LARS1: variants seen among roughly 807,000 people sequenced by gnomAD.
The protein encoded by LARS1 is leucyl-tRNA synthetase 1.
Under a neutral mutation model 162.8 loss-of-function variants are expected in LARS1, and 100 were observed. That is an observed-to-expected ratio of 0.61 (90% CI 0.52 to 0.73). LARS1 has a LOEUF of 0.73. Among genes scored for constraint, LARS1 ranks in the 30% least tolerant of loss-of-function variants. The pLI is 0.00. For missense variants in LARS1, 1,258 were observed against 1,408.9 expected (o/e 0.89, Z 1.71); for synonymous variants, 457 against 462.8 (o/e 0.99, Z 0.16).
At chr5:146,172,869 A>T (rs1302877349) in intron 2 of LARS1, 95 bp from the exon 3 acceptor site, 7 of 500,146 alleles carry the variant, frequency 1.4e-5, no homozygotes, top group Non-Finnish European at 2.4e-5. Flanking sequence ...GCTTGATATA[A>T]ATAACTTAAG....
chr5:146,137,732 G>A, intron 21 of LARS1: 1 of 265,342 alleles, frequency 3.8e-6, no homozygotes. Context: ...GGCCTGCTGG[G>A]AGCAGGACTT....
At chr5:146,177,865 C>T (rs1210644050) in intron 1 of LARS1, among the ~76,000 whole-genome samples, 200 bp from the exon 2 acceptor site, 2 of 151,960 alleles carry the variant, frequency 1.3e-5, no homozygotes, top group East Asian at 1.9e-4. Context: ...TTTGGGAGGC[C>T]GAGGCGGGTG....
chr5:146,153,296 TC>T (rs1753374771), intron 12 of LARS1, 69 bp from the exon 13 acceptor site: 1 of 1,098,734 alleles, frequency 9.1e-7, no homozygotes, highest in African/African-American at 1.6e-5. Context: ...AGAGAAGCAA[TC>T]TCCAAAGTTT....
At chr5:146,131,219 T>G in intron 23 of LARS1, 110 bp from the exon 24 acceptor site, 2 of 531,540 alleles carry the variant, frequency 3.8e-6, no homozygotes, top group Non-Finnish European at 6.6e-6. Context: ...TATACAAATT[T>G]GAAATACTGC....
chr5:146,138,910 G>C (rs531777946), intron 21 of LARS1: 1 of 310,538 alleles, frequency 3.2e-6, no homozygotes, highest in East Asian at 8.8e-5. Flanking sequence ...TCAGGCCCAC[G>C]GGAACAGTAG....
chr5:146,177,023 T>G (rs1482002397), intron 2 of LARS1, among the ~76,000 whole-genome samples: 3 of 151,898 alleles, frequency 2.0e-5, no homozygotes, highest in Admixed American at 6.6e-5. Flanking sequence ...GAAAAAAAAA[T>G]CTTTACAAAC....
Position 146,157,443 on chromosome 5 carries a change from T to C in LARS1, c.1025A>G (p.Asp342Gly), listed in dbSNP as rs1013524463. 4.3e-6 allele frequency: 7 copies of C among 1,614,080 alleles called. No individual in the cohort carries two copies. In the Admixed American group the frequency reaches 1.0e-4, roughly 23 times the overall value. ...CTTAACAACAGGCACCACGCCATTG[T>C]CTTTGGTAAAGCCCTGGTATGACAT... ...RNMSYQGFTK[D>G]NGVVPVVKEL... Residue 342 changes from aspartate to glycine, a missense_variant, in exon 10 of 32, where the codon GAC (aspartate) becomes GGC (glycine). Transcript: ENST00000394434.
intron 3 of LARS1, 62 bp from the exon 4 acceptor site, chr5:146,172,052 A>C: frequency 7.2e-7 from 1 of 1,382,152 alleles, no homozygotes. Context: ...CAAAATGTGA[A>C]CTTTTCACAC....
chr5:146,152,413 C>T (rs1198217753), intron 13 of LARS1, among the ~76,000 whole-genome samples: 3 of 152,136 alleles, frequency 2.0e-5, no homozygotes, highest in Admixed American at 6.5e-5. Context: ...GAGGAACGGG[C>T]GAGCATCACC....
Position 146,120,359 on chromosome 5 carries a change from G to A in LARS1, c.3325+12C>T. Reference sequence around the variant, plus strand: ...AGCTACTGACAAATGGGAGTTTTGGGGAACAACTTACCTTTAATTCCTCGA... The same window carrying A: ...AGCTACTGACAAATGGGAGTTTTGGAGAACAACTTACCTTTAATTCCTCGA... On this transcript the variant is annotated intron_variant, in intron 31 of 31. Transcript: ENST00000394434. The A allele has an allele frequency of 1.2e-6, 2 of 1,612,396 alleles. No individual in the cohort carries two copies. The highest frequency in any genetic ancestry group is 1.7e-6 in the Non-Finnish European group (2 of 1,178,840).
intron 31 of LARS1, among the ~76,000 whole-genome samples, chr5:146,117,388 T>C (rs981166879): frequency 6.6e-6 from 1 of 152,158 alleles, no homozygotes; most frequent in African/African-American, 2.4e-5. Flanking sequence ...GACAGGCAGA[T>C]CACTTGAGGC....
chr5:146,170,670 G>A (rs1754225007), intron 4 of LARS1, among the ~76,000 whole-genome samples: 1 of 152,052 alleles, frequency 6.6e-6, no homozygotes, highest in Admixed American at 6.6e-5. Context: ...CATGATATCT[G>A]CAACTTTCTT....
At chr5:146,177,494 A>G (rs1196199648) in intron 2 of LARS1, 53 bp downstream of exon 2, 1 of 194,510 alleles carries the variant, frequency 5.1e-6, no homozygotes, top group Non-Finnish European at 9.6e-6. Context: ...ATATATATAT[A>G]TATATATATA....
intron 28 of LARS1, 75 bp from the exon 29 acceptor site, chr5:146,124,161 T>C: frequency 2.3e-6 from 2 of 888,488 alleles, no homozygotes; most frequent in South Asian, 1.3e-5. Flanking sequence ...TCCAAAGTAA[T>C]CATTCTTCTC....
At position 146,123,963 on chromosome 5, in the gene LARS1, C is replaced by T. The variant is rs1004166680; in HGVS notation, c.3096+19G>A. 8 of 1,344,578 alleles carry T rather than the reference C, an allele frequency of 5.9e-6. No homozygotes were observed. Among genetic ancestry groups the T allele is most frequent in the South Asian group, 1.2e-5 (1 of 82,280 alleles). The allele number at this position is 1,344,578 out of a possible 1,614,324, so 83.3% of individuals were successfully genotyped here. The stretch of plus-strand genomic sequence containing the variant: ...TTTAACTACAGTTAACTGGTTATTA[C>T]AATCCCTGGCCCTCTTACCTCAAGC... On this transcript the variant is annotated intron_variant, in intron 29 of 31. Coordinates refer to ENST00000394434, the MANE Select transcript of LARS1 (RefSeq NM_020117.11).
At chr5:146,166,950 A>G (rs1561492008) in intron 5 of LARS1, among the ~76,000 whole-genome samples, 1 of 152,244 alleles carries the variant, frequency 6.6e-6, no homozygotes, top group South Asian at 2.1e-4. Flanking sequence ...ACATATCAGT[A>G]TCATATACTC....
At chr5:146,158,656 G>C (rs1384623496) in intron 8 of LARS1, among the ~76,000 whole-genome samples, 2 of 152,158 alleles carry the variant, frequency 1.3e-5, no homozygotes, top group Admixed American at 1.3e-4. Context: ...CATGATCAAA[G>C]CAAATATAAC....
intron 21 of LARS1, chr5:146,139,059 A>AAT: frequency 3.8e-6 from 1 of 263,814 alleles, no homozygotes; most frequent in Non-Finnish European, 7.1e-6. Flanking sequence ...AAAAAAAAAA[A>AAT]TGGCCGAGTG....
chr5:146,142,823 C>A (rs756649533), intron 20 of LARS1, 49 bp downstream of exon 20: 3 of 1,374,376 alleles, frequency 2.2e-6, no homozygotes, highest in Non-Finnish European at 3.1e-6. Context: ...CCACAAGACA[C>A]CCCTATTGAC....
Sources: allele counts gnomAD v4.1 joint callset (sites outside exome capture counted in the v4.1 genomes callset), GRCh38; gene constraint gnomAD v4.1.1; transcripts MANE v1.5; gene names NCBI Gene and HGNC (gene_info 2026-07-23, HGNC 2026-07-21).